Variants in DGKB observed in about 807,000 individuals in gnomAD.
The protein encoded by DGKB is 90 kDa diacylglycerol kinase.
Under a neutral mutation model 114.3 loss-of-function variants are expected in DGKB, and 67 were observed. That is an observed-to-expected ratio of 0.59 (90% CI 0.48 to 0.72). DGKB has a LOEUF of 0.72. Among genes scored for constraint, DGKB ranks in the 30% least tolerant of loss-of-function variants. The pLI is 0.00. For missense variants in DGKB, 907 were observed against 975.2 expected (o/e 0.93, Z 0.93); for synonymous variants, 398 against 323.1 (o/e 1.23, Z -2.49).
At chr7:14,955,168 CATTTA>C (rs1283910779) in intron 1 of DGKB, among the ~76,000 whole-genome samples, 1 of 151,926 alleles carries the variant, frequency 6.6e-6, no homozygotes, top group African/African-American at 2.4e-5. Context: ...TAAATGTGGA[CATTTA>C]ATTTAACAAA....
intron 2 of DGKB, among the ~76,000 whole-genome samples, chr7:14,818,154 T>A (rs1844423958): frequency 6.6e-6 from 1 of 152,188 alleles, no homozygotes; most frequent in South Asian, 2.1e-4. Flanking sequence ...TACCTGTATA[T>A]GCTCACTGAA....
At chr7:14,277,147 G>C (rs1177402193) in intron 23 of DGKB, among the ~76,000 whole-genome samples, 1 of 148,958 alleles carries the variant, frequency 6.7e-6, no homozygotes, top group Non-Finnish European at 1.5e-5. Flanking sequence ...ATACTTCCAT[G>C]AGTTCAACTT....
intron 13 of DGKB, among the ~76,000 whole-genome samples, chr7:14,669,918 A>G (rs1302048340): frequency 6.6e-6 from 1 of 152,056 alleles, no homozygotes; most frequent in Non-Finnish European, 1.5e-5. Flanking sequence ...TTAACTCTTT[A>G]CCCAAAGAGT....
At chr7:14,746,235 G>C (rs1021185193) in intron 4 of DGKB, among the ~76,000 whole-genome samples, 3 of 152,120 alleles carry the variant, frequency 2.0e-5, no homozygotes, top group Non-Finnish European at 2.9e-5. Flanking sequence ...TTGGGTGGTT[G>C]AGACAGGAGA....
intron 23 of DGKB, among the ~76,000 whole-genome samples, chr7:14,214,117 C>A (rs895413852): frequency 6.6e-5 from 10 of 152,204 alleles, no homozygotes; most frequent in Non-Finnish European, 1.2e-4. Flanking sequence ...CTCCCCAAGT[C>A]TACTCAGCCT....
At chr7:14,319,657 G>A (rs1025531575) in intron 23 of DGKB, among the ~76,000 whole-genome samples, 1 of 152,156 alleles carries the variant, frequency 6.6e-6, no homozygotes, top group Non-Finnish European at 1.5e-5. Context: ...GGCTAGATGA[G>A]CAATAAATGA....
intron 2 of DGKB, among the ~76,000 whole-genome samples, chr7:14,800,684 G>C (rs951804641): frequency 6.6e-6 from 1 of 152,166 alleles, no homozygotes; most frequent in African/African-American, 2.4e-5. Flanking sequence ...AGGGAGAAAT[G>C]CTTCTATCAG....
chr7:14,465,437 T>C (rs1833696883), intron 21 of DGKB, among the ~76,000 whole-genome samples: 1 of 152,190 alleles, frequency 6.6e-6, no homozygotes, highest in Non-Finnish European at 1.5e-5. Context: ...GTCCTGGGAA[T>C]AGGTATAGAA....
chr7:14,770,872 T>A (rs1837306649), intron 2 of DGKB, among the ~76,000 whole-genome samples: 1 of 152,086 alleles, frequency 6.6e-6, no homozygotes, highest in Non-Finnish European at 1.5e-5. Context: ...GCCAGTGCTC[T>A]TATACAAAGG....
chr7:14,941,140 A>G (rs1785549133), intron 1 of DGKB, among the ~76,000 whole-genome samples: 1 of 152,126 alleles, frequency 6.6e-6, no homozygotes, highest in Non-Finnish European at 1.5e-5. Flanking sequence ...TGCTGAAAAC[A>G]AAGCCAGCTA....
chr7:14,400,468 G>A (rs530447563), intron 21 of DGKB, among the ~76,000 whole-genome samples: 1 of 151,856 alleles, frequency 6.6e-6, no homozygotes, highest in South Asian at 2.1e-4. Flanking sequence ...GCAAGTAACA[G>A]ACTTCATCTT....
At chr7:14,401,030 T>C (rs114508109) in intron 21 of DGKB, among the ~76,000 whole-genome samples, 2,253 of 151,932 alleles carry the variant, frequency 0.015, 52 homozygotes, top group African/African-American at 0.047. Context: ...TGTCTGCTTA[T>C]AGTAGCAGCA....
chr7:14,435,337 G>A (rs1829078430), intron 21 of DGKB, among the ~76,000 whole-genome samples: 1 of 152,082 alleles, frequency 6.6e-6, no homozygotes, highest in Admixed American at 6.6e-5. Context: ...CAGAGTTCAG[G>A]AGAAGAACGC....
At chr7:14,253,872 C>G (rs1171972057) in intron 23 of DGKB, among the ~76,000 whole-genome samples, 1 of 152,086 alleles carries the variant, frequency 6.6e-6, no homozygotes, top group Non-Finnish European at 1.5e-5. Flanking sequence ...TCAGTTATGA[C>G]TAGGTTAATA....
At chr7:14,263,507 C>G (rs1355437873) in intron 23 of DGKB, among the ~76,000 whole-genome samples, 1 of 152,292 alleles carries the variant, frequency 6.6e-6, no homozygotes, top group African/African-American at 2.4e-5. Flanking sequence ...GGTTTCTGTA[C>G]ATGACATGCT....
At chr7:14,201,163 A>G (rs1448086333) in intron 23 of DGKB, among the ~76,000 whole-genome samples, 1 of 151,970 alleles carries the variant, frequency 6.6e-6, no homozygotes, top group Admixed American at 6.6e-5. Context: ...TTTCCTAGAT[A>G]GCTGTCTTTT....
intron 14 of DGKB, among the ~76,000 whole-genome samples, chr7:14,622,090 C>T (rs1176590834): frequency 2.0e-5 from 3 of 152,074 alleles, no homozygotes; most frequent in Non-Finnish European, 4.4e-5. Flanking sequence ...CTTGTATCAC[C>T]ATTACTCCAC....
chr7:14,667,544 G>A (rs1467341912), intron 13 of DGKB, among the ~76,000 whole-genome samples: 5 of 151,984 alleles, frequency 3.3e-5, no homozygotes, highest in Non-Finnish European at 7.4e-5. Flanking sequence ...AGAAACTGGG[G>A]CATACAATTT....
chr7:14,432,954 T>A (rs1225452726), intron 21 of DGKB, among the ~76,000 whole-genome samples: 1 of 152,138 alleles, frequency 6.6e-6, no homozygotes, highest in African/African-American at 2.4e-5. Flanking sequence ...ATGCAATGAA[T>A]GGAAGGAATT....
Sources: allele counts gnomAD v4.1 joint callset (sites outside exome capture counted in the v4.1 genomes callset), GRCh38; gene constraint gnomAD v4.1.1; transcripts MANE v1.5; gene names NCBI Gene and HGNC (gene_info 2026-07-23, HGNC 2026-07-21).